ATXN7: variants seen among roughly 807,000 people sequenced by gnomAD.
ATXN7 encodes ataxin 7, also known as ataxin-7.
A neutral mutation model predicts 70.5 loss-of-function variants in ATXN7; 12 were observed. The ratio of observed to expected loss-of-function variants is 0.17; its 90% CI spans 0.11 to 0.28. ATXN7 has a LOEUF of 0.28. Ranked by LOEUF, ATXN7 falls within the 10% of genes least tolerant of loss-of-function variation. The pLI, the probability that ATXN7 is intolerant of heterozygous loss-of-function variation, is 1.00. For synonymous variants in ATXN7, 498 were observed against 448.7 expected (o/e 1.11, Z -1.39); for missense variants, 1,256 against 1,131.7 (o/e 1.11, Z -1.58).
Position 63,903,521 on chromosome 3 carries a change from AAAAC to A in ATXN7, c.-12+5032_-12+5035del, listed in dbSNP as rs368725045. Among the ~76,000 whole-genome samples the A allele has an allele frequency of 3.4e-3, 512 of 152,316 alleles. 2 individuals are homozygous for A. The highest frequency in any genetic ancestry group is 0.014 in the Middle Eastern group (4 of 294). ...TACATTATATGCTATTTTATTTGTA[AAAAC>A]AAACAAAAAGTTGAAAAGTAACGGC... On this transcript the variant is annotated intron_variant, in intron 2 of 12. Coordinates refer to ENST00000674280, the MANE Select transcript of ATXN7 (RefSeq NM_001377405.1).
intron 5 of ATXN7, among the ~76,000 whole-genome samples, chr3:63,966,506 G>A (rs879751980): frequency 3.3e-5 from 5 of 152,044 alleles, no homozygotes; most frequent in South Asian, 2.1e-4. Flanking sequence ...CTTCCCTTGC[G>A]TTCTTCTAGT....
intron 4 of ATXN7, among the ~76,000 whole-genome samples, chr3:63,944,513 G>C (rs1169307090): frequency 3.9e-5 from 6 of 152,078 alleles, no homozygotes; most frequent in Non-Finnish European, 8.8e-5. Flanking sequence ...ACATGTCCTG[G>C]GCAGGATGGA....
intron 5 of ATXN7, among the ~76,000 whole-genome samples, chr3:63,965,334 C>T (rs1329197652): frequency 2.6e-5 from 4 of 152,174 alleles, no homozygotes; most frequent in South Asian, 2.1e-4. Context: ...CTCTTGCCCA[C>T]GGCTGCACAA....
At chr3:63,953,722 CT>C (rs2074993105) in intron 5 of ATXN7, among the ~76,000 whole-genome samples, 1 of 150,612 alleles carries the variant, frequency 6.6e-6, no homozygotes. Context: ...GCGATCTCGG[CT>C]CACTGCAACC....
chr3:63,904,203 T>A lies in ATXN7; in HGVS notation c.-12+5706T>A, dbSNP rs1034734216. The A allele has an allele frequency of 7.2e-5, 11 of 152,338 alleles. No homozygotes were observed. In the East Asian group the frequency reaches 2.1e-3, roughly 29 times the overall value. 9.4% of individuals were successfully genotyped at this position (152,338 alleles called of 1,614,324 possible). A position where few individuals can be genotyped will look rare whatever the true frequency, so the allele number is the denominator to read the frequency against. On this transcript the variant is annotated intron_variant, in intron 2 of 12. Coordinates refer to ENST00000674280, the MANE Select transcript of ATXN7 (RefSeq NM_001377405.1). Reference sequence around the variant, plus strand: ...TGAAATCAAATAATATGTGACCTATTTGTCTTCTTTCATTTAGCATAATGT... The same window carrying A: ...TGAAATCAAATAATATGTGACCTATATGTCTTCTTTCATTTAGCATAATGT...
In ATXN7 at chr3:63,995,908, A is replaced by C. The variant is rs1429996626; in HGVS notation, c.2086A>C (p.Ser696Arg). 6 of 1,614,116 alleles carry C rather than the reference A, an allele frequency of 3.7e-6. No individual in the cohort carries two copies. Among genetic ancestry groups the C allele is most frequent in the African/African-American group, 1.3e-5 (1 of 74,950 alleles). The change falls in exon 12 of 13, where the codon AGT becomes CGT. Residue 696 changes from serine to arginine, a missense_variant. By Grantham distance (110) the Ser-to-Arg change is moderately radical. Transcript: ENST00000674280. ...SGNSTNCQNA[S>R]SSTSGGSGKK... ...TAACAGCACTAACTGTCAAAATGCC[A>C]GTAGCAGTACCAGTGGCGGCTCAGG...
intron 1 of ATXN7, among the ~76,000 whole-genome samples, chr3:63,870,396 G>GCACACACACGTATGTGTGTGTGTGCT (rs1188356480): frequency 3.3e-5 from 5 of 152,026 alleles, no homozygotes; most frequent in African/African-American, 1.2e-4. Context: ...CCCAACATGT[G>GCACACACACGTATGTGTGTGTGTGCT]CACACACACG....
chr3:63,882,595 G>A (rs704369), intron 1 of ATXN7, among the ~76,000 whole-genome samples: 88,430 of 151,564 alleles, frequency 0.58, 26,993 homozygotes, highest in Non-Finnish European at 0.67. Context: ...CATGTTGGCC[G>A]GGCTGATCTT....
intron 5 of ATXN7, among the ~76,000 whole-genome samples, chr3:63,957,202 T>C (rs1170924468): frequency 6.6e-6 from 1 of 152,206 alleles, no homozygotes; most frequent in African/African-American, 2.4e-5. Context: ...GACACAGGGG[T>C]GATATTACCT....
chr3:63,982,623 A>AGTGTGTGTGTGTGTGTGT (rs71099784), intron 7 of ATXN7, among the ~76,000 whole-genome samples, 178 bp downstream of exon 7: 3 of 143,576 alleles, frequency 2.1e-5, no homozygotes, highest in Admixed American at 1.4e-4. Context: ...AAAGAGCATG[A>AGTGTGTGTGTGTGTGTGT]GTGTGTGTGT....
chr3:63,899,735 TC>T (rs1449138697), intron 2 of ATXN7, among the ~76,000 whole-genome samples: 1 of 152,044 alleles, frequency 6.6e-6, no homozygotes, highest in Non-Finnish European at 1.5e-5. Context: ...CGCCTCAGCC[TC>T]CCGACTAGCT....
Position 63,930,592 on chromosome 3 carries a change from C to T in ATXN7, c.394+17367C>T, listed in dbSNP as rs183299057. The stretch of plus-strand genomic sequence containing the variant: ...TGTTGCCCAGGCTGGAGTGCAGTGG[C>T]GCAATCTTGGCTCACTGCAAGCTCC... On this transcript the variant is annotated intron_variant, in intron 4 of 12. Coordinates refer to ENST00000674280, the MANE Select transcript of ATXN7 (RefSeq NM_001377405.1). Among the ~76,000 whole-genome samples, 654 of 151,148 alleles carry T rather than the reference C, an allele frequency of 4.3e-3. 3 individuals carry two copies. The highest frequency in any genetic ancestry group is 0.015 in the African/African-American group (630 of 41,148).
chr3:63,868,130 G>T (rs912884432), intron 1 of ATXN7, among the ~76,000 whole-genome samples: 1 of 152,164 alleles, frequency 6.6e-6, no homozygotes, highest in Non-Finnish European at 1.5e-5. Flanking sequence ...TGGAGTAAAT[G>T]GGTCTTTCAG....
intron 2 of ATXN7, among the ~76,000 whole-genome samples, chr3:63,912,334 G>T (rs1389925599): frequency 2.0e-5 from 3 of 151,726 alleles, no homozygotes; most frequent in African/African-American, 4.8e-5. Context: ...CGCGGTGGCG[G>T]GCCGCCTGCT....
At chr3:63,930,295 A>G (rs979146728) in intron 4 of ATXN7, among the ~76,000 whole-genome samples, 2 of 152,166 alleles carry the variant, frequency 1.3e-5, no homozygotes, top group African/African-American at 4.8e-5. Flanking sequence ...TGAAAAGGTA[A>G]CTAGAGAGTG....
intron 1 of ATXN7, among the ~76,000 whole-genome samples, 121 bp downstream of exon 1, chr3:63,864,279 G>A (rs1021203088): frequency 1.3e-5 from 2 of 151,588 alleles, no homozygotes; most frequent in Non-Finnish European, 3.0e-5. Flanking sequence ...CCCATCCAGG[G>A]TGACGCTGCT....
chr3:63,966,338 A>G (rs566315605), intron 5 of ATXN7, among the ~76,000 whole-genome samples: 43 of 151,984 alleles, frequency 2.8e-4, no homozygotes, highest in African/African-American at 9.7e-4. Context: ...CAATACTAAG[A>G]CCTGTGGCAA....
chr3:63,918,290 T>A (rs1436069381), intron 4 of ATXN7, among the ~76,000 whole-genome samples: 1 of 151,892 alleles, frequency 6.6e-6, no homozygotes, highest in Non-Finnish European at 1.5e-5. Context: ...GGGAAAAAAA[T>A]GGTTCATGGT....
intron 11 of ATXN7, among the ~76,000 whole-genome samples, chr3:63,992,685 G>T (rs112148810): frequency 6.6e-6 from 1 of 152,156 alleles, no homozygotes; most frequent in Admixed American, 6.5e-5. Flanking sequence ...TGTCTACTCT[G>T]TTCTGTCTGA....
Sources: gnomAD v4.1 joint callset for allele counts (sites outside exome capture counted in the v4.1 genomes callset) on GRCh38, gnomAD v4.1.1 for gene constraint, MANE v1.5 for transcripts, NCBI Gene and HGNC (gene_info 2026-07-23, HGNC 2026-07-21) for gene names.